ACBD5: variants seen among roughly 807,000 people sequenced by gnomAD.
The protein encoded by ACBD5 is acyl-CoA-binding domain-containing protein 5.
Under a neutral mutation model 71.8 loss-of-function variants are expected in ACBD5, and 40 were observed. That is an observed-to-expected ratio of 0.56 (90% CI 0.43 to 0.72). ACBD5 has a LOEUF of 0.72. Ranked by LOEUF, ACBD5 falls within the 30% of genes least tolerant of loss-of-function variation. The pLI is 0.00. For synonymous variants in ACBD5, 229 were observed against 218.6 expected, an observed-to-expected ratio of 1.05 and a Z score of -0.42; for missense variants, 559 against 644.5, an observed-to-expected ratio of 0.87 and a Z score of 1.44.
At chr10:27,207,423 G>T (rs2060584340) in intron 10 of ACBD5, among the ~76,000 whole-genome samples, 1 of 152,108 alleles carries the variant, frequency 6.6e-6, no homozygotes, top group African/African-American at 2.4e-5. Context: ...GTTTAGGAAA[G>T]CCTGCTATCA....
At chr10:27,183,927 G>T (rs1055325386) in intron 13 of ACBD5, among the ~76,000 whole-genome samples, 1 of 152,072 alleles carries the variant, frequency 6.6e-6, no homozygotes, top group African/African-American at 2.4e-5. Context: ...GCCCAGGCTG[G>T]TCTCGAACTC....
In ACBD5 at chr10:27,195,697, G is replaced by C. The variant is rs1371407877; in HGVS notation, c.*1733C>G. 1 of 422,076 alleles carries C rather than the reference G, an allele frequency of 2.4e-6. No individual in the cohort carries two copies. The highest frequency in any genetic ancestry group is 2.1e-5 in the African/African-American group (1 of 47,970). 26.1% of individuals were successfully genotyped at this position (422,076 alleles called of 1,614,324 possible). A position where few individuals can be genotyped will look rare whatever the true frequency, so the allele number is the denominator to read the frequency against. On this transcript the variant is annotated 3_prime_UTR_variant, in exon 13 of 13. Transcript: ENST00000396271. ...AAATAGTAGTAGATCCCTTTAGACAGACATATTTTAATCAGTATGGGATTA... is the reference window on the plus strand; with the variant it reads ...AAATAGTAGTAGATCCCTTTAGACACACATATTTTAATCAGTATGGGATTA...
chr10:27,206,340 G>A (rs374034019), intron 10 of ACBD5, among the ~76,000 whole-genome samples: 16 of 152,096 alleles, frequency 1.1e-4, no homozygotes, highest in African/African-American at 3.9e-4. Context: ...AGCATGCCAG[G>A]CTCAGTGGCT....
chr10:27,183,466 G>A (rs2058445836), intron 13 of ACBD5, among the ~76,000 whole-genome samples: 1 of 152,032 alleles, frequency 6.6e-6, no homozygotes, highest in African/African-American at 2.4e-5. Context: ...GTATTTTTTA[G>A]TAGAGATGGG....
rs536937950 is a variant in ACBD5, at chr10:27,196,415, G to A, written c.*1015C>T. ...TTATTCCTATGGAAGCATTTGGCCCGTTAGCTTGCAAATCCCTCCAGTACT... is the reference window on the plus strand; with the variant it reads ...TTATTCCTATGGAAGCATTTGGCCCATTAGCTTGCAAATCCCTCCAGTACT... On this transcript the variant is annotated 3_prime_UTR_variant, in exon 13 of 13. Coordinates refer to ENST00000396271, the MANE Select transcript of ACBD5 (RefSeq NM_145698.5). 70 of 454,344 alleles carry A rather than the reference G, an allele frequency of 1.5e-4. No homozygotes were observed. Among genetic ancestry groups the A allele is most frequent in the Middle Eastern group, 6.9e-4 (1 of 1,444 alleles). The allele number at this position is 454,344 out of a possible 1,614,324, so 28.1% of individuals were successfully genotyped here.
intron 4 of ACBD5, among the ~76,000 whole-genome samples, chr10:27,224,204 A>G (rs1472012694): frequency 1.3e-5 from 1 of 75,948 alleles, no homozygotes; most frequent in African/African-American, 3.7e-5. Flanking sequence ...CATTTCTACA[A>G]AAAAAAAAAA....
chr10:27,222,291 T>TA (rs1314994486), intron 5 of ACBD5, among the ~76,000 whole-genome samples: 2 of 151,844 alleles, frequency 1.3e-5, no homozygotes, highest in African/African-American at 4.8e-5. Flanking sequence ...CTCTGCTTTC[T>TA]AAAAAAAATT....
intron 2 of ACBD5, among the ~76,000 whole-genome samples, chr10:27,237,962 T>A (rs781125510): frequency 6.6e-6 from 1 of 150,974 alleles, no homozygotes; most frequent in African/African-American, 2.4e-5. Context: ...AATTTTATTT[T>A]ATTTTTTCGG....
At chr10:27,236,477 ATG>A (rs1048073487) in intron 2 of ACBD5, among the ~76,000 whole-genome samples, 3 of 152,220 alleles carry the variant, frequency 2.0e-5, no homozygotes, top group African/African-American at 7.2e-5. Flanking sequence ...CTTTTCACTT[ATG>A]TGTTTTTAAA....
intron 3 of ACBD5, 145 bp downstream of exon 3, chr10:27,234,947 A>C: frequency 1.2e-6 from 1 of 854,370 alleles, no homozygotes; most frequent in South Asian, 1.7e-5. Flanking sequence ...CAAACAAACA[A>C]AAAAGAAAAC....
intron 4 of ACBD5, among the ~76,000 whole-genome samples, chr10:27,230,292 A>C (rs2780670): frequency 0.78 from 117,359 of 151,382 alleles, 45,755 homozygotes; most frequent in African/African-American, 0.86. Flanking sequence ...ACTATGAGCA[A>C]TGTAGAAGAA....
At chr10:27,212,704 T>A (rs1366184846) in intron 8 of ACBD5, among the ~76,000 whole-genome samples, 1 of 151,228 alleles carries the variant, frequency 6.6e-6, no homozygotes, top group Non-Finnish European at 1.5e-5. Flanking sequence ...GTAGCTACCA[T>A]GCCTGGCTAA....
chr10:27,211,140 G>A, intron 8 of ACBD5, 59 bp from the exon 9 acceptor site: 1 of 1,535,868 alleles, frequency 6.5e-7, no homozygotes, highest in Non-Finnish European at 9.0e-7. Flanking sequence ...ACACCACAAA[G>A]TTTTTACAGC....
At chr10:27,230,715 TG>T (rs2138092754) in intron 4 of ACBD5, among the ~76,000 whole-genome samples, 1 of 143,352 alleles carries the variant, frequency 7.0e-6, no homozygotes, top group South Asian at 2.3e-4. Flanking sequence ...GAGAATCTCT[TG>T]AACCCAGGAG....
intron 10 of ACBD5, among the ~76,000 whole-genome samples, chr10:27,206,046 G>A (rs144761329): frequency 3.3e-5 from 5 of 151,420 alleles, no homozygotes; most frequent in South Asian, 2.1e-4. Context: ...TAGCTGGGCC[G>A]ACCACCAAGC....
intron 13 of ACBD5, among the ~76,000 whole-genome samples, chr10:27,184,554 A>ATTTTTTTTTTTTTTTT (rs752147433): frequency 1.2e-5 from 1 of 84,848 alleles, no homozygotes; most frequent in Non-Finnish European, 2.1e-5. Context: ...TATAAGAAGG[A>ATTTTTTTTTTTTTTTT]TTTTTTTTTT....
chr10:27,238,926 G>T (rs1360006824), intron 2 of ACBD5, among the ~76,000 whole-genome samples: 1 of 152,294 alleles, frequency 6.6e-6, no homozygotes, highest in African/African-American at 2.4e-5. Context: ...GGCCGGGCGC[G>T]GTGGCTCATG....
downstream of ACBD5, chr10:27,193,232 G>C (rs1290897868): frequency 1.4e-5 from 2 of 143,750 alleles, 1 homozygote; most frequent in African/African-American, 5.2e-5. Context: ...TTTGAGACCA[G>C]CCTGGCCAAC....
At chr10:27,216,314 T>A (rs1023464299) in intron 7 of ACBD5, among the ~76,000 whole-genome samples, 1 of 152,174 alleles carries the variant, frequency 6.6e-6, no homozygotes, top group African/African-American at 2.4e-5. Context: ...TAATTTTTTG[T>A]ATATTTACTT....
Sources: gnomAD v4.1 joint callset for allele counts (sites outside exome capture counted in the v4.1 genomes callset) on GRCh38, gnomAD v4.1.1 for gene constraint, MANE v1.5 for transcripts, NCBI Gene and HGNC (gene_info 2026-07-23, HGNC 2026-07-21) for gene names.